DIPK1A: variants seen among roughly 807,000 people sequenced by gnomAD.
DIPK1A encodes the protein divergent protein kinase domain 1A.
Under a neutral mutation model 40.8 loss-of-function variants are expected in DIPK1A, and 27 were observed. The ratio of observed to expected loss-of-function variants is 0.66; its 90% confidence interval spans 0.49 to 0.91. The LOEUF is 0.91. DIPK1A is among the 40% of genes least tolerant of loss of function. The pLI is 0.00. For synonymous variants in DIPK1A, 166 were observed against 171.3 expected, an observed-to-expected ratio of 0.97 and a Z score of 0.24; for missense variants, 412 against 505.7, an observed-to-expected ratio of 0.81 and a Z score of 1.78.
At chr1:92,947,814 CAT>C (rs760531040) in intron 1 of DIPK1A, among the ~76,000 whole-genome samples, 18 of 152,334 alleles carry the variant, frequency 1.2e-4, no homozygotes, top group Admixed American at 2.6e-4. Flanking sequence ...ATAAATACCA[CAT>C]GTTTTCACTC....
At chr1:92,908,494 A>G (rs1649711246) in intron 1 of DIPK1A, among the ~76,000 whole-genome samples, 1 of 152,144 alleles carries the variant, frequency 6.6e-6, no homozygotes, top group Non-Finnish European at 1.5e-5. Context: ...TATCCATTGG[A>G]TTTAGTAACA....
downstream of DIPK1A, among the ~76,000 whole-genome samples, chr1:92,838,829 A>G (rs973356506): frequency 6.6e-6 from 1 of 152,238 alleles, no homozygotes; most frequent in Non-Finnish European, 1.5e-5. Context: ...TAAAAGAGGT[A>G]GGGAAATTAA....
intron 1 of DIPK1A, among the ~76,000 whole-genome samples, chr1:92,950,866 T>C (rs13374961): frequency 0.03 from 4,630 of 152,332 alleles, 206 homozygotes; most frequent in African/African-American, 0.1. Context: ...AGCTCTCTTA[T>C]AAAAATCTCT....
chr1:92,848,249 A>G (rs1412518556), intron 3 of DIPK1A, among the ~76,000 whole-genome samples: 1 of 152,206 alleles, frequency 6.6e-6, no homozygotes, highest in East Asian at 1.9e-4. Flanking sequence ...AATCCAAAGA[A>G]AACATTATTT....
intron 1 of DIPK1A, among the ~76,000 whole-genome samples, chr1:92,959,285 T>C (rs958621772): frequency 4.6e-5 from 7 of 151,852 alleles, no homozygotes; most frequent in Non-Finnish European, 7.4e-5. Context: ...GACCCGTCTC[T>C]AAATAAATAA....
At chr1:92,923,783 A>C (rs545455408) in intron 1 of DIPK1A, among the ~76,000 whole-genome samples, 20 of 152,284 alleles carry the variant, frequency 1.3e-4, no homozygotes, top group African/African-American at 4.6e-4. Flanking sequence ...CTTCTAATCT[A>C]ATTCCCAGTG....
intron 1 of DIPK1A, among the ~76,000 whole-genome samples, chr1:92,909,182 C>T (rs1348160488): frequency 6.6e-6 from 1 of 152,036 alleles, no homozygotes; most frequent in African/African-American, 2.4e-5. Flanking sequence ...ACACCTAAAC[C>T]CTCTCTCCAT....
At chr1:92,855,402 CA>C (rs1009308408) in intron 2 of DIPK1A, among the ~76,000 whole-genome samples, 40 of 151,728 alleles carry the variant, frequency 2.6e-4, no homozygotes, top group African/African-American at 8.9e-4. Context: ...AACAAACAAA[CA>C]AAAAAAACCC....
At chr1:92,920,525 T>C (rs1285061948) in intron 1 of DIPK1A, among the ~76,000 whole-genome samples, 3 of 152,178 alleles carry the variant, frequency 2.0e-5, no homozygotes, top group African/African-American at 7.2e-5. Context: ...CACCAGGACA[T>C]GTTCAGAGTA....
chr1:92,946,597 T>C (rs1012557677), intron 1 of DIPK1A, among the ~76,000 whole-genome samples: 17 of 152,214 alleles, frequency 1.1e-4, no homozygotes, highest in African/African-American at 3.9e-4. Context: ...GAAAACTAAA[T>C]ATTCATTTTT....
chr1:92,847,364 GT>G lies in DIPK1A; in HGVS notation c.298-6del. 6.3e-7 allele frequency: 1 copy of G among 1,586,920 alleles called. No homozygotes were observed. The highest frequency in any genetic ancestry group is 8.6e-7 in the Non-Finnish European group (1 of 1,166,864). On this transcript the variant is annotated splice_polypyrimidine_tract_variant and splice_region_variant and intron_variant, in intron 3 of 4. Transcript: ENST00000370310. ...ATCCCAAATCCCTAAATACATCTAT[GT>G]AAAAAAGAGTGGCAAGTTATGTATT... is the stretch of plus-strand genomic sequence containing the variant.
At chr1:92,872,885 T>G (rs1162129359) in intron 2 of DIPK1A, among the ~76,000 whole-genome samples, 1 of 152,220 alleles carries the variant, frequency 6.6e-6, no homozygotes, top group Non-Finnish European at 1.5e-5. Context: ...GGCTTTCCAA[T>G]GAGGTTTTTA....
rs117736888 is a variant in DIPK1A, at chr1:92,853,750, G to A, written c.190-2795C>T. 5.1e-4 allele frequency among the ~76,000 whole-genome samples: 77 copies of A among 152,308 alleles called. 2 individuals are homozygous for A. In the East Asian group the frequency reaches 0.014, roughly 28 times the overall value. ...AAGGTTCAGAAAATATAATTTCCAT[G>A]AGCATCTCTTGAAGAAATGATTAGA... On this transcript the variant is annotated intron_variant, in intron 2 of 4. Coordinates refer to ENST00000370310, the MANE Select transcript of DIPK1A (RefSeq NM_001006605.5).
At chr1:92,946,273 T>C (rs950581888) in intron 1 of DIPK1A, among the ~76,000 whole-genome samples, 7 of 152,174 alleles carry the variant, frequency 4.6e-5, no homozygotes, top group African/African-American at 1.2e-4. Context: ...ATATTATTTA[T>C]AGTTCTCATA....
chr1:92,883,783 G>A (rs1648483813), intron 1 of DIPK1A, among the ~76,000 whole-genome samples: 1 of 152,140 alleles, frequency 6.6e-6, no homozygotes, highest in Non-Finnish European at 1.5e-5. Flanking sequence ...GGCCAGCTCA[G>A]AATTAATATA....
At chr1:92,952,054 T>C (rs1185303352) in intron 1 of DIPK1A, among the ~76,000 whole-genome samples, 2 of 145,356 alleles carry the variant, frequency 1.4e-5, no homozygotes, top group African/African-American at 5.2e-5. Context: ...CCCATGAGAA[T>C]GGCCACTCTT....
chr1:92,844,843 C>T (rs1019443442), intron 4 of DIPK1A, among the ~76,000 whole-genome samples: 29 of 150,928 alleles, frequency 1.9e-4, no homozygotes, highest in Admixed American at 1.6e-3. Flanking sequence ...TGTAAAATGG[C>T]CAAATAAAAA....
intron 2 of DIPK1A, among the ~76,000 whole-genome samples, chr1:92,866,492 T>C (rs1647551103): frequency 6.6e-6 from 1 of 152,224 alleles, no homozygotes; most frequent in South Asian, 2.1e-4. Flanking sequence ...ATCCTTTCTT[T>C]CTTTACATTT....
chr1:92,959,740 T>TTTTTTG (rs1377692836), intron 1 of DIPK1A, among the ~76,000 whole-genome samples: 3 of 146,072 alleles, frequency 2.1e-5, no homozygotes, highest in South Asian at 2.4e-4. Flanking sequence ...GCCTGGCCGT[T>TTTTTTG]TTTTTGTTTT....
Sources: gnomAD v4.1 joint callset for allele counts (sites outside exome capture counted in the v4.1 genomes callset) on GRCh38, gnomAD v4.1.1 for gene constraint, MANE v1.5 for transcripts, NCBI Gene and HGNC (gene_info 2026-07-23, HGNC 2026-07-21) for gene names.